Variants in RSPH3 observed in about 807,000 individuals in gnomAD.
RSPH3 encodes the protein radial spoke head protein 3 homolog.
In RSPH3, 21 loss-of-function variants were observed where a neutral mutation model predicts 43.8. The observed-to-expected ratio is 0.48, with a 90% CI of 0.34 to 0.69. The LOEUF (loss-of-function observed/expected upper bound fraction) is 0.69, where lower values mean the gene tolerates loss of function less well. RSPH3 is among the 30% of genes least tolerant of loss of function. The probability of loss-of-function intolerance (pLI) is 0.01; values close to 1 mark genes in which losing one functional copy is unlikely to be tolerated. For synonymous variants in RSPH3, 173 were observed against 179.8 expected, an observed-to-expected ratio of 0.96 and a Z score of 0.30; for missense variants, 487 against 516.0, an observed-to-expected ratio of 0.94 and a Z score of 0.54.
chr6:158,977,722 G>A lies in RSPH3; in HGVS notation c.1073C>T (p.Ser358Phe), dbSNP rs545447406. The A allele has an allele frequency of 4.3e-6, 7 of 1,614,152 alleles. No homozygotes were observed. The African/African-American group carries it at 9.3e-5, about 22-fold the overall frequency. ...PGAMTESLEASEFLEQSMSQT... is the reference protein window; with the variant it reads ...PGAMTESLEAFEFLEQSMSQT... ...TGACATGCTCTGCTCCAGGAATTCA[G>A]AGGCCTCCAGTGACTCTGTCATTGC... is the stretch of plus-strand genomic sequence containing the variant. The change falls in exon 8 of 8, where the codon TCT becomes TTT. Residue 358 changes from serine to phenylalanine, a missense_variant. Transcript: ENST00000367069.
downstream of RSPH3, among the ~76,000 whole-genome samples, chr6:158,968,370 G>C (rs937096442): frequency 4.6e-5 from 7 of 152,016 alleles, no homozygotes; most frequent in Non-Finnish European, 8.8e-5. Flanking sequence ...GAATAGCTGG[G>C]ATTACAGGCA....
At chr6:158,991,146 C>T (rs1406833098) in intron 2 of RSPH3, among the ~76,000 whole-genome samples, 3 of 151,992 alleles carry the variant, frequency 2.0e-5, no homozygotes, top group Non-Finnish European at 4.4e-5. Flanking sequence ...TTCATTGAAA[C>T]ATTTTTGATT....
intron 1 of RSPH3, among the ~76,000 whole-genome samples, chr6:158,996,752 C>T (rs1288991339): frequency 2.6e-5 from 4 of 152,150 alleles, no homozygotes; most frequent in Non-Finnish European, 5.9e-5. Context: ...AAAGCATACT[C>T]TTTTTGGATA....
chr6:158,977,320 A>G lies in RSPH3; in HGVS notation c.*218T>C, dbSNP rs1362468150. The G allele has an allele frequency of 2.0e-6, 1 of 489,198 alleles. No individual in the cohort carries two copies. The highest frequency in any genetic ancestry group is 3.2e-5 in the East Asian group (1 of 30,894). 30.3% of individuals were successfully genotyped at this position (489,198 alleles called of 1,614,324 possible). ...ATTAAATATAATTCTCATTAGAATT[A>G]CAATATAGCCTTTGAATATTCTATT... is the stretch of plus-strand genomic sequence containing the variant. On this transcript the variant is annotated 3_prime_UTR_variant, in exon 8 of 8. Coordinates refer to ENST00000367069, the MANE Select transcript of RSPH3 (RefSeq NM_031924.8).
the RSPH3 span, among the ~76,000 whole-genome samples, chr6:158,966,002 G>A: frequency 6.6e-6 from 1 of 152,186 alleles, no homozygotes; most frequent in Non-Finnish European, 1.5e-5. Context: ...TGCATCTATT[G>A]AGATGATCAT....
chr6:158,983,495 C>G (rs1778107892), intron 4 of RSPH3, among the ~76,000 whole-genome samples, 167 bp downstream of exon 4: 1 of 152,106 alleles, frequency 6.6e-6, no homozygotes, highest in African/African-American at 2.4e-5. Context: ...TATGTTAAAA[C>G]ATTTCTGAGT....
intron 2 of RSPH3, among the ~76,000 whole-genome samples, chr6:158,993,515 T>C (rs1234208657): frequency 6.6e-6 from 1 of 151,044 alleles, no homozygotes; most frequent in Non-Finnish European, 1.5e-5. Flanking sequence ...TTTTTAAGTA[T>C]AAAATTCAGT....
chr6:158,975,071 C>A lies in RSPH3; in HGVS notation c.*2467G>T, dbSNP rs1201870586. ...GGCCAGGATGGTCTTGATCTCCTGA[C>A]CTTGTGATCCGCCTGCCTCGGCCTC... On this transcript the variant is annotated 3_prime_UTR_variant, in exon 8 of 8. Coordinates refer to ENST00000367069, the MANE Select transcript of RSPH3 (RefSeq NM_031924.8). 6.6e-6 allele frequency: 1 copy of A among 151,732 alleles called. No individual in the cohort carries two copies. The highest frequency in any genetic ancestry group is 2.1e-4 in the South Asian group (1 of 4,804). 9.4% of individuals were successfully genotyped at this position (151,732 alleles called of 1,614,324 possible). A position where few individuals can be genotyped will look rare whatever the true frequency, so the allele number is the denominator to read the frequency against.
chr6:158,964,926 G>C, the RSPH3 span, among the ~76,000 whole-genome samples: 5 of 152,060 alleles, frequency 3.3e-5, no homozygotes, highest in African/African-American at 4.8e-5. Context: ...ATGTTGTCTT[G>C]AGTTCTAGCT....
intron 3 of RSPH3, among the ~76,000 whole-genome samples, chr6:158,985,562 C>G (rs555742079): frequency 6.6e-6 from 1 of 152,214 alleles, no homozygotes; most frequent in African/African-American, 2.4e-5. Flanking sequence ...TACTGAGTAG[C>G]TGGAATTACA....
rs930939314 is a variant in RSPH3 at position 158,977,015 on chromosome 6, T to C, written c.*523A>G. ...TTTTAGCAGAGATGGGGTTTCTCCT[T>C]GTTGGTCTGGCTGGTCTCAAACTCC... On this transcript the variant is annotated 3_prime_UTR_variant, in exon 8 of 8. Coordinates refer to ENST00000367069, the MANE Select transcript of RSPH3 (RefSeq NM_031924.8). 2.0e-5 allele frequency: 3 copies of C among 152,842 alleles called. No homozygotes were observed. Among genetic ancestry groups the C allele is most frequent in the African/African-American group, 7.2e-5 (3 of 41,396 alleles). 9.5% of individuals were successfully genotyped at this position (152,842 alleles called of 1,614,324 possible). A position where few individuals can be genotyped will look rare whatever the true frequency, so the allele number is the denominator to read the frequency against.
chr6:158,994,578 G>C (rs1323391882), intron 1 of RSPH3, among the ~76,000 whole-genome samples: 1 of 152,122 alleles, frequency 6.6e-6, no homozygotes, highest in Admixed American at 6.5e-5. Context: ...TTCAGCCCAG[G>C]AGGCAGAGGT....
At chr6:158,983,578 T>C in intron 4 of RSPH3, 84 bp downstream of exon 4, 1 of 985,354 alleles carries the variant, frequency 1.0e-6, no homozygotes, top group Non-Finnish European at 1.6e-6. Flanking sequence ...GTGAAGTGGT[T>C]CTTGCTCATA....
downstream of RSPH3, among the ~76,000 whole-genome samples, chr6:158,970,338 T>A (rs1777681535): frequency 6.6e-6 from 1 of 152,196 alleles, no homozygotes. Flanking sequence ...AAGTTTTCCA[T>A]CCTTTGTTGA....
downstream of RSPH3, among the ~76,000 whole-genome samples, chr6:158,969,946 G>T (rs1416081767): frequency 6.6e-6 from 1 of 152,006 alleles, no homozygotes; most frequent in East Asian, 1.9e-4. Flanking sequence ...GTTTTCTTTA[G>T]TTCTTTGAAT....
chr6:158,982,277 T>C (rs1281421078), intron 5 of RSPH3, among the ~76,000 whole-genome samples: 1 of 152,210 alleles, frequency 6.6e-6, no homozygotes, highest in Admixed American at 6.5e-5. Context: ...TTTAGGTATA[T>C]TTATGTAAGC....
Position 158,974,129 on chromosome 6 carries a change from A to G in RSPH3, c.*3409T>C, listed in dbSNP as rs1157550169. On this transcript the variant is annotated 3_prime_UTR_variant, in exon 8 of 8. Coordinates refer to ENST00000367069, the MANE Select transcript of RSPH3 (RefSeq NM_031924.8). ...CAGGAATGACAATTTCAATATATTT[A>G]CTATCTGTTCTTCATTTTATTATTA... 1 of 152,168 alleles carries G rather than the reference A, an allele frequency of 6.6e-6. No homozygotes were observed. The highest frequency in any genetic ancestry group is 2.4e-5 in the African/African-American group (1 of 41,436). The allele number at this position is 152,168 out of a possible 1,614,324, so 9.4% of individuals were successfully genotyped here.
chr6:158,999,765 GC>G lies in RSPH3; in HGVS notation c.-216del. The G allele has an allele frequency of 6.2e-7, 1 of 1,611,272 alleles. No homozygotes were observed. Among genetic ancestry groups the G allele is most frequent in the Middle Eastern group, 1.7e-4 (1 of 6,056 alleles). ...CTCGCTCCCAGCACCACAGAGACCA[GC>G]TGCGGGGGCCGCATCGGTTGCCCAG... On this transcript the variant is annotated 5_prime_UTR_variant, in exon 1 of 8. An upstream open reading frame in the 5' UTR gains an earlier in-frame stop. Transcript: ENST00000367069.
chr6:158,967,698 G>C, the RSPH3 span, among the ~76,000 whole-genome samples: 1 of 152,092 alleles, frequency 6.6e-6, no homozygotes, highest in East Asian at 1.9e-4. Context: ...CTATTGCTTT[G>C]AGTTGTCTAA....
Sources: allele counts gnomAD v4.1 joint callset (sites outside exome capture counted in the v4.1 genomes callset), GRCh38; gene constraint gnomAD v4.1.1; transcripts MANE v1.5; gene names NCBI Gene and HGNC (gene_info 2026-07-23, HGNC 2026-07-21).